TP53I13: variants seen among roughly 807,000 people sequenced by gnomAD.
TP53I13 encodes tumor protein p53 inducible protein 13.
A neutral mutation model predicts 39.1 loss-of-function variants in TP53I13; 27 were observed. The ratio of observed to expected loss-of-function variants is 0.69; its 90% CI spans 0.51 to 0.95. The LOEUF (loss-of-function observed/expected upper bound fraction) is 0.95. TP53I13 is among the 40% of genes least tolerant of loss of function. The pLI is 0.00. For synonymous variants in TP53I13, 230 were observed against 224.6 expected, an observed-to-expected ratio of 1.02 and a Z score of -0.22; for missense variants, 544 against 520.4, an observed-to-expected ratio of 1.05 and a Z score of -0.44.
In TP53I13 at chr17:29,571,839, A is replaced by G. The variant is rs2032941207; in HGVS notation, c.313-18A>G. ...TCCCCACCTTCCTCGTAGCTCTAAC[A>G]GTTACCTCCTCTCGTAGCCCCTGGT... On this transcript the variant is annotated intron_variant, in intron 4 of 6. Transcript: ENST00000301057. The G allele has an allele frequency of 6.2e-7, 1 of 1,613,308 alleles. No individual in the cohort carries two copies. The highest frequency in any genetic ancestry group is 2.2e-5 in the East Asian group (1 of 44,876).
At chr17:29,577,704 C>A, downstream of TP53I13, 1 of 1,613,006 alleles carries the variant, frequency 6.2e-7, no homozygotes, top group South Asian at 1.1e-5. Context: ...GCACTGCGCT[C>A]TGTCACCAGA....
downstream of TP53I13, chr17:29,577,618 C>T (rs764597513): frequency 1.0e-5 from 15 of 1,460,136 alleles, no homozygotes; most frequent in South Asian, 1.1e-4. Flanking sequence ...AGTAGACCAC[C>T]CCAGGCCCCC....
chr17:29,571,498 G>T, intron 3 of TP53I13, 93 bp from the exon 4 acceptor site: 2 of 1,554,002 alleles, frequency 1.3e-6, no homozygotes, highest in South Asian at 1.2e-5. Flanking sequence ...GCTATCCTGG[G>T]AGTACCTTTA....
the TP53I13 span, chr17:29,581,612 C>G: frequency 1.3e-6 from 1 of 744,140 alleles, no homozygotes; most frequent in Non-Finnish European, 2.3e-6. The surrounding 1 kb of genome is among the most constrained non-coding windows in gnomAD (Gnocchi z 4.8). Context: ...TTCACAGGAG[C>G]CAGTTGCCTA....
chr17:29,569,583 T>C, intron 3 of TP53I13: 1 of 457,532 alleles, frequency 2.2e-6, no homozygotes, highest in Non-Finnish European at 3.9e-6. Context: ...TGCAATGCTG[T>C]GTCAGGATGC....
chr17:29,569,020 G>C lies in TP53I13; in HGVS notation c.75G>C (p.Val25=), dbSNP rs753685343. 3.1e-6 allele frequency: 5 copies of C among 1,609,798 alleles called. 1 individual carries two copies. In the South Asian group the frequency reaches 3.3e-5, roughly 11 times the overall value. ...ALARLLGPSE[V]MAGPAEEAGA... ...AACTCTTCGCTTTGGACCCACAGGT[G>C]ATGGCTGGACCGGCGGAGGAGGCGG... is the stretch of plus-strand genomic sequence containing the variant. The change falls in exon 2 of 7, where the codon GTG becomes GTC. Residue 25 remains valine, a splice_region_variant and synonymous_variant. Coordinates refer to ENST00000301057, the MANE Select transcript of TP53I13 (RefSeq NM_138349.4).
chr17:29,577,454 C>G (rs547831493), downstream of TP53I13, among the ~76,000 whole-genome samples: 2 of 152,168 alleles, frequency 1.3e-5, no homozygotes, highest in Non-Finnish European at 2.9e-5. Context: ...GGCCGGAACA[C>G]CCACCGGAGC....
rs371181511 is a variant in TP53I13 at position 29,571,740 on chromosome 17, G to A, written c.312+21G>A. The A allele has an allele frequency of 8.7e-6, 14 of 1,613,882 alleles. No homozygotes were observed. In the South Asian group the frequency reaches 1.2e-4, roughly 14 times the overall value. On this transcript the variant is annotated intron_variant, in intron 4 of 6. Coordinates refer to ENST00000301057, the MANE Select transcript of TP53I13 (RefSeq NM_138349.4). ...ATCGGGTATGTAGCTGATGAAAGGC[G>A]CTTGCCTGGCCCTGGCAGAAGGCTA...
At chr17:29,576,487 T>C, downstream of TP53I13, 1 of 1,612,976 alleles carries the variant, frequency 6.2e-7, no homozygotes, top group Non-Finnish European at 8.5e-7. Flanking sequence ...CCTGGAGTCC[T>C]GGGGCTCCCC....
downstream of TP53I13, chr17:29,576,518 T>G (rs1358927996): frequency 6.2e-7 from 1 of 1,613,722 alleles, no homozygotes; most frequent in Non-Finnish European, 8.5e-7. Context: ...GGCTGCACCC[T>G]CACCTCTCGC....
rs2032945445 is a variant in TP53I13, at chr17:29,571,902, G to A, written c.358G>A (p.Val120Ile). The A allele has an allele frequency of 1.2e-6, 2 of 1,613,094 alleles. No individual in the cohort carries two copies. Among genetic ancestry groups the A allele is most frequent in the Admixed American group, 1.7e-5 (1 of 60,016 alleles). ...GGGGCTGGCGCTGGAGATGGCCTGG[G>A]TAGAGCCAGCCTGGGCTGCCCACTG... is the stretch of plus-strand genomic sequence containing the variant. ...AWGLALEMAW[V>I]EPAWAAHWLM... The change falls in exon 5 of 7, where the codon GTA becomes ATA. Residue 120 changes from valine to isoleucine, a missense_variant. Coordinates refer to ENST00000301057, the MANE Select transcript of TP53I13 (RefSeq NM_138349.4).
At position 29,572,700 on chromosome 17, in the gene TP53I13, G is replaced by A; in HGVS notation, c.1069+3G>A. ...GGACAGCCAGGACACAGTGGCTGGT[G>A]AGGAGTTCCCTCCCTACCCTACCCG... is the stretch of plus-strand genomic sequence containing the variant. On this transcript the variant is annotated splice_donor_region_variant and intron_variant, in intron 6 of 6. Coordinates refer to ENST00000301057, the MANE Select transcript of TP53I13 (RefSeq NM_138349.4). 6.5e-7 allele frequency: 1 copy of A among 1,535,670 alleles called. No individual in the cohort carries two copies. The highest frequency in any genetic ancestry group is 8.8e-7 in the Non-Finnish European group (1 of 1,139,032).
At chr17:29,571,752 C>G in intron 4 of TP53I13, 33 bp downstream of exon 4, 1 of 1,613,952 alleles carries the variant, frequency 6.2e-7, no homozygotes, top group Non-Finnish European at 8.5e-7. Context: ...TTGCCTGGCC[C>G]TGGCAGAAGG....
At chr17:29,575,247 A>G (rs145908069), downstream of TP53I13, 389 of 1,584,602 alleles carry the variant, frequency 2.5e-4, 3 homozygotes, top group African/African-American at 4.6e-3. The surrounding 1 kb of genome is among the most constrained non-coding windows in gnomAD (Gnocchi z 5.5). Flanking sequence ...CTAGAAGCCA[A>G]CAGGAACTGC....
chr17:29,577,300 C>T, downstream of TP53I13: 1 of 1,391,738 alleles, frequency 7.2e-7, no homozygotes, highest in Non-Finnish European at 1.0e-6. Context: ...ATGACTGACG[C>T]AGGACGGCAG....
chr17:29,574,546 G>A (rs1174315989), downstream of TP53I13: 3 of 713,384 alleles, frequency 4.2e-6, no homozygotes, highest in Non-Finnish European at 7.5e-6. Flanking sequence ...GGGCTCGACA[G>A]GGGTGGGCAC....
Position 29,572,626 on chromosome 17 carries a change from T to C in TP53I13, c.998T>C (p.Leu333Pro). ...LLTLATLCTR[L>P]HRNFRRGESI... Reference sequence around the variant, plus strand: ...ACCCTGGCCACGCTCTGCACACGGCTGCACAGAAACTTCCGACGCGGGGAG... The same window carrying C: ...ACCCTGGCCACGCTCTGCACACGGCCGCACAGAAACTTCCGACGCGGGGAG... Residue 333 changes from leucine (L) to proline (P), a missense_variant, in exon 6 of 7, where the codon CTG (leucine) becomes CCG (proline). Transcript: ENST00000301057. 11 of 1,590,448 alleles carry C rather than the reference T, an allele frequency of 6.9e-6. No homozygotes were observed. Among genetic ancestry groups the C allele is most frequent in the Non-Finnish European group, 9.4e-6 (11 of 1,169,286 alleles).
rs2032799996 is a variant in TP53I13 at position 29,568,724 on chromosome 17, G to T, written c.-35G>T. The T allele has an allele frequency of 4.3e-6, 6 of 1,404,114 alleles. No individual in the cohort carries two copies. Among genetic ancestry groups the T allele is most frequent in the East Asian group, 6.1e-5 (2 of 32,848 alleles). 87.0% of individuals were successfully genotyped at this position (1,404,114 alleles called of 1,614,324 possible). A position where few individuals can be genotyped will look rare whatever the true frequency, so the allele number is the denominator to read the frequency against. ...GCGCGCGCTCCCTCGCTGGCGGAGCGGCTGGGCGGCGGGCCGGGCCCGGGG... is the reference window on the plus strand; with the variant it reads ...GCGCGCGCTCCCTCGCTGGCGGAGCTGCTGGGCGGCGGGCCGGGCCCGGGG... On this transcript the variant is annotated 5_prime_UTR_variant, in exon 1 of 7. Coordinates refer to ENST00000301057, the MANE Select transcript of TP53I13 (RefSeq NM_138349.4). This position sits in a 1 kb window ranked among gnomAD's most constrained non-coding sequence, Gnocchi z 4.5.
At chr17:29,569,159 C>T (rs2032827991) in intron 2 of TP53I13, 73 bp downstream of exon 2, 3 of 1,510,102 alleles carry the variant, frequency 2.0e-6, no homozygotes, top group Non-Finnish European at 1.8e-6. Context: ...TCTCGCCGCA[C>T]CCTCCACAGT....
Sources: allele counts gnomAD v4.1 joint callset (sites outside exome capture counted in the v4.1 genomes callset), GRCh38; gene constraint gnomAD v4.1.1; non-coding constraint Gnocchi (gnomAD v3.1); transcripts MANE v1.5; gene names NCBI Gene and HGNC (gene_info 2026-07-23, HGNC 2026-07-21).